Variants in AGR3 observed in about 807,000 individuals in gnomAD.
AGR3 encodes the protein anterior gradient 3, protein disulphide isomerase family member.
A neutral mutation model predicts 24.5 loss-of-function variants in AGR3; 37 were observed. The observed-to-expected ratio is 1.51, with a 90% CI of 1.16 to 1.99. The LOEUF is 1.99. AGR3 is among the 30% of genes most tolerant of loss of function. AGR3 has a pLI of 0.00. For missense variants in AGR3, 228 were observed against 191.1 expected (o/e 1.19, Z -1.14); for synonymous variants, 75 against 61.6 (o/e 1.22, Z -1.02).
At chr7:16,870,559 T>G (rs1463655935) in intron 3 of AGR3, among the ~76,000 whole-genome samples, 1 of 152,118 alleles carries the variant, frequency 6.6e-6, no homozygotes, top group Non-Finnish European at 1.5e-5. Flanking sequence ...GGGATTAATT[T>G]AAAGAAATTA....
chr7:16,865,700 G>A, intron 3 of AGR3: 1 of 781,826 alleles, frequency 1.3e-6, no homozygotes, highest in Non-Finnish European at 2.4e-6. Context: ...ATACTTTGTT[G>A]CTCTTAGTAG....
intron 1 of AGR3, among the ~76,000 whole-genome samples, chr7:16,880,132 T>TCC (rs1782080802): frequency 1.5e-5 from 2 of 137,022 alleles, no homozygotes; most frequent in Non-Finnish European, 3.2e-5. Context: ...TCCTTCCTCT[T>TCC]TCTCTCTCTC....
downstream of AGR3, among the ~76,000 whole-genome samples, chr7:16,856,013 A>G (rs940413130): frequency 6.6e-6 from 1 of 152,130 alleles, no homozygotes; most frequent in East Asian, 1.9e-4. Context: ...TTCATTCAGG[A>G]TTCATGGGTA....
chr7:16,871,785 C>T (rs1038611556), intron 3 of AGR3, among the ~76,000 whole-genome samples: 10 of 151,922 alleles, frequency 6.6e-5, no homozygotes, highest in African/African-American at 1.9e-4. Context: ...GAGGTTGCAG[C>T]GAGCTGAGAT....
chr7:16,879,211 C>G (rs1194765011), intron 1 of AGR3, among the ~76,000 whole-genome samples: 1 of 152,198 alleles, frequency 6.6e-6, no homozygotes, highest in African/African-American at 2.4e-5. Flanking sequence ...CCAACAATTA[C>G]TCAGACTTTT....
Position 16,861,639 on chromosome 7 carries a change from G to T in AGR3, c.304-192C>A, listed in dbSNP as rs190075939. Among the ~76,000 whole-genome samples, 224 of 152,274 alleles carry T rather than the reference G, an allele frequency of 1.5e-3. 1 individual carries two copies. Among genetic ancestry groups the T allele is most frequent in the Middle Eastern group, 3.4e-3 (1 of 294 alleles). ...AAGGAGGCTGGGCATGGTGGCTCAT[G>T]CCTGTAATCCCAGCACTTTGGGAGG... On this transcript the variant is annotated intron_variant, in intron 5 of 7. Transcript: ENST00000310398.
chr7:16,874,942 T>A (rs6957631), intron 2 of AGR3, among the ~76,000 whole-genome samples: 1 of 151,802 alleles, frequency 6.6e-6, no homozygotes, highest in Non-Finnish European at 1.5e-5. Context: ...TACAGTGTAA[T>A]CTGTCTCTAC....
At chr7:16,872,444 G>A (rs187914910) in intron 3 of AGR3, among the ~76,000 whole-genome samples, 1 of 152,128 alleles carries the variant, frequency 6.6e-6, no homozygotes, top group East Asian at 1.9e-4. Context: ...CTTACCATAT[G>A]CAGAAATCAA....
At chr7:16,868,807 G>A (rs1781809540) in intron 3 of AGR3, among the ~76,000 whole-genome samples, 1 of 152,152 alleles carries the variant, frequency 6.6e-6, no homozygotes, top group South Asian at 2.1e-4. Context: ...AAGGAGATAG[G>A]CTCTTTGGAT....
downstream of AGR3, among the ~76,000 whole-genome samples, chr7:16,856,976 G>GT (rs34712776): frequency 0.47 from 68,409 of 144,140 alleles, 16,376 homozygotes; most frequent in African/African-American, 0.58. Flanking sequence ...ATATAGAAAG[G>GT]TTTTTTTTTT....
At chr7:16,854,737 A>G (rs959437271), downstream of AGR3, among the ~76,000 whole-genome samples, 1 of 152,186 alleles carries the variant, frequency 6.6e-6, no homozygotes, top group Non-Finnish European at 1.5e-5. Flanking sequence ...ATCTGAGATC[A>G]AGGTGTTGGC....
downstream of AGR3, among the ~76,000 whole-genome samples, chr7:16,856,979 T>C (rs1781562836): frequency 6.6e-6 from 1 of 150,828 alleles, no homozygotes; most frequent in Non-Finnish European, 1.5e-5. Context: ...TAGAAAGGTT[T>C]TTTTTTTTTT....
intron 3 of AGR3, chr7:16,864,850 C>T (rs559944049): frequency 6.9e-6 from 6 of 866,342 alleles, no homozygotes; most frequent in African/African-American, 3.3e-5. Flanking sequence ...GAGTAAAGAG[C>T]GTGTATTCCA....
intron 2 of AGR3, among the ~76,000 whole-genome samples, chr7:16,874,876 T>C (rs187422111): frequency 3.9e-5 from 6 of 152,154 alleles, no homozygotes; most frequent in African/African-American, 1.2e-4. Flanking sequence ...TAGCACTTTG[T>C]GAGACCAAGG....
intron 3 of AGR3, chr7:16,873,525 T>A (rs920843738): frequency 2.0e-5 from 7 of 350,876 alleles, no homozygotes; most frequent in Non-Finnish European, 3.7e-5. Flanking sequence ...TTGAGTAGTA[T>A]TCTACAGCAC....
chr7:16,875,284 A>G (rs1003035863), intron 2 of AGR3, among the ~76,000 whole-genome samples: 9 of 152,150 alleles, frequency 5.9e-5, no homozygotes, highest in African/African-American at 1.9e-4. Context: ...CCACAGCCCT[A>G]AGAAACCCCT....
Position 16,873,778 on chromosome 7 carries a change from A to T in AGR3, c.173+2T>A. 1.9e-6 allele frequency: 3 copies of T among 1,606,444 alleles called. No individual in the cohort carries two copies. The South Asian group carries it at 3.3e-5, about 18-fold the overall frequency. On this transcript the variant is annotated splice_donor_variant, in intron 3 of 7. Transcript: ENST00000310398. LOFTEE classifies it high-confidence loss of function. ...AAAAAAATGAGCTGAGAAGCATGTT[A>T]CCTTTTTTGAGCATAAAAGAGACCT...
downstream of AGR3, among the ~76,000 whole-genome samples, chr7:16,855,983 A>T (rs1380802944): frequency 1.5e-5 from 2 of 129,878 alleles, no homozygotes; most frequent in Non-Finnish European, 3.5e-5. Context: ...GTTTTCCATG[A>T]TGGTAAAATA....
chr7:16,861,514 T>C, intron 5 of AGR3, 67 bp from the exon 6 acceptor site: 1 of 1,347,722 alleles, frequency 7.4e-7, no homozygotes, highest in Non-Finnish European at 1.1e-6. Context: ...CAAGATGATT[T>C]TGTGTGACTG....
Sources: allele counts gnomAD v4.1 joint callset (sites outside exome capture counted in the v4.1 genomes callset), GRCh38; gene constraint gnomAD v4.1.1; transcripts MANE v1.5; gene names NCBI Gene and HGNC (gene_info 2026-07-23, HGNC 2026-07-21).